DDC: variants seen among roughly 807,000 people sequenced by gnomAD.
DDC encodes the protein dopa decarboxylase, also known as aromatic-L-amino-acid decarboxylase.
DDC carries 43 observed loss-of-function variants against 60.0 expected under a neutral mutation model. That is an observed-to-expected ratio of 0.72 (90% CI 0.56 to 0.92). The LOEUF is 0.92. Ranked by LOEUF, DDC falls within the 40% of genes least tolerant of loss-of-function variation. The pLI, the probability that DDC is intolerant of heterozygous loss-of-function variation, is 0.00. For missense variants in DDC, 573 were observed against 620.2 expected, an observed-to-expected ratio of 0.92 and a Z score of 0.81; for synonymous variants, 232 against 234.6, an observed-to-expected ratio of 0.99 and a Z score of 0.10.
intron 9 of DDC, among the ~76,000 whole-genome samples, chr7:50,490,530 C>T (rs988192773): frequency 7.9e-5 from 12 of 152,062 alleles, no homozygotes; most frequent in African/African-American, 1.2e-4. Flanking sequence ...ATTAGGCAGG[C>T]GTGGTGGCAC....
intron 6 of DDC, among the ~76,000 whole-genome samples, chr7:50,524,543 A>C (rs1462924870): frequency 6.6e-6 from 1 of 152,226 alleles, no homozygotes; most frequent in Non-Finnish European, 1.5e-5. Context: ...TGACGAGGAC[A>C]TATAGATAGT....
chr7:50,485,759 T>G (rs1032969434), intron 9 of DDC, among the ~76,000 whole-genome samples: 1 of 152,168 alleles, frequency 6.6e-6, no homozygotes, highest in Non-Finnish European at 1.5e-5. Context: ...TTTCATGATA[T>G]CTGGACAGTG....
At chr7:50,460,028 C>G (rs571331015) in intron 14 of DDC, among the ~76,000 whole-genome samples, 1 of 144,146 alleles carries the variant, frequency 6.9e-6, no homozygotes, top group Non-Finnish European at 1.5e-5. Flanking sequence ...CCCCTCTGCC[C>G]GGCCAGCTGC....
intron 6 of DDC, among the ~76,000 whole-genome samples, chr7:50,517,811 A>C (rs6592969): frequency 0.99 from 143,924 of 144,710 alleles, 71,577 homozygotes; most frequent in Middle Eastern, 1. Flanking sequence ...AATCAAGAAC[A>C]CTTTTATAAT....
intron 8 of DDC, among the ~76,000 whole-genome samples, chr7:50,495,997 T>A (rs1554421038): frequency 5.3e-5 from 8 of 152,166 alleles, no homozygotes; most frequent in Non-Finnish European, 1.5e-5. Flanking sequence ...CTACAGTAGA[T>A]AGGGGTAAAC....
chr7:50,491,278 C>A (rs1562998280), intron 9 of DDC, among the ~76,000 whole-genome samples: 1 of 152,148 alleles, frequency 6.6e-6, no homozygotes, highest in Non-Finnish European at 1.5e-5. Context: ...CGGTTTATGT[C>A]AGTTTTCCAG....
chr7:50,547,440 C>T (rs1037428930), intron 1 of DDC, among the ~76,000 whole-genome samples: 2 of 152,068 alleles, frequency 1.3e-5, no homozygotes, highest in African/African-American at 4.8e-5. Context: ...TGGTCTTGAA[C>T]TCCTGATCTC....
At chr7:50,509,876 T>C (rs2043501050) in intron 6 of DDC, among the ~76,000 whole-genome samples, 1 of 152,194 alleles carries the variant, frequency 6.6e-6, no homozygotes, top group African/African-American at 2.4e-5. Context: ...AAAACCCATC[T>C]CTTTCATTAA....
chr7:50,479,902 T>C, intron 9 of DDC, 39 bp from the exon 10 acceptor site: 1 of 1,541,902 alleles, frequency 6.5e-7, no homozygotes, highest in South Asian at 1.1e-5. Context: ...GATAACCAAG[T>C]ACCCTAGACT....
At chr7:50,561,488 G>A (rs1303287483) in intron 1 of DDC, among the ~76,000 whole-genome samples, 1 of 152,094 alleles carries the variant, frequency 6.6e-6, no homozygotes, top group Non-Finnish European at 1.5e-5. Flanking sequence ...GGAGGCTCAG[G>A]GTCCCAAGCC....
In DDC at chr7:50,537,978, G is replaced by T; in HGVS notation, c.317C>A (p.Ala106Glu). 5.0e-6 allele frequency: 8 copies of T among 1,614,134 alleles called. No individual in the cohort carries two copies. The highest frequency in any genetic ancestry group is 6.8e-6 in the Non-Finnish European group (8 of 1,180,030). The change falls in exon 4 of 15, where the codon GCG (alanine) becomes GAG (glutamate). Residue 106 changes from alanine (A) to glutamate (E), a missense_variant and splice_region_variant. Ala to Glu is a moderately radical substitution (Grantham distance 107). Coordinates refer to ENST00000444124, the MANE Select transcript of DDC (RefSeq NM_001082971.2). Reference sequence around the variant, plus strand: ...CAGCTCTGTGCATGCTGGGCTTGCCGCCTGTCGTGGGGGAAGGGAAGGGAT... The same window carrying T: ...CAGCTCTGTGCATGCTGGGCTTGCCTCCTGTCGTGGGGGAAGGGAAGGGAT... ...GAIGCIGFSWAASPACTELET... is the reference protein window; with the variant it reads ...GAIGCIGFSWEASPACTELET...
chr7:50,481,434 C>A (rs2153536541), intron 9 of DDC, among the ~76,000 whole-genome samples: 1 of 152,174 alleles, frequency 6.6e-6, no homozygotes, highest in South Asian at 2.1e-4. Context: ...AAGAGGGGAC[C>A]AAGAGGGATG....
chr7:50,461,765 C>T (rs2042278759), intron 14 of DDC, among the ~76,000 whole-genome samples: 1 of 152,198 alleles, frequency 6.6e-6, no homozygotes, highest in East Asian at 1.9e-4. Flanking sequence ...AACATATAAG[C>T]CTCTCCCCAC....
chr7:50,554,513 C>T (rs2045115962), intron 1 of DDC, among the ~76,000 whole-genome samples: 1 of 152,198 alleles, frequency 6.6e-6, no homozygotes, highest in African/African-American at 2.4e-5. Flanking sequence ...ACATTATCTT[C>T]ACTTGTATTT....
intron 7 of DDC, among the ~76,000 whole-genome samples, chr7:50,501,232 C>T (rs2043248167): frequency 6.6e-6 from 1 of 152,208 alleles, no homozygotes; most frequent in South Asian, 2.1e-4. Flanking sequence ...GCTGCACGTC[C>T]TCTCTCAGTT....
At chr7:50,542,095 G>T (rs982582128) in intron 2 of DDC, 1 of 152,122 alleles carries the variant, frequency 6.6e-6, no homozygotes, top group African/African-American at 2.4e-5. Flanking sequence ...CCAGGCCCAC[G>T]ACACTGTTAG....
chr7:50,515,650 A>G (rs2043706275), intron 6 of DDC, among the ~76,000 whole-genome samples: 1 of 152,222 alleles, frequency 6.6e-6, no homozygotes, highest in Non-Finnish European at 1.5e-5. Flanking sequence ...CACAGAATGG[A>G]TAATAACTCA....
intron 11 of DDC, among the ~76,000 whole-genome samples, chr7:50,474,157 C>T (rs538506884): frequency 3.3e-5 from 5 of 152,340 alleles, no homozygotes; most frequent in Middle Eastern, 3.4e-3. Flanking sequence ...TTTCCTTAAC[C>T]GAGGCCAATG....
intron 11 of DDC, among the ~76,000 whole-genome samples, chr7:50,476,232 T>C (rs1228079036): frequency 1.3e-5 from 2 of 152,234 alleles, no homozygotes; most frequent in Admixed American, 6.5e-5. Context: ...GCTGCTGAGA[T>C]GACTGGCCCC....
Sources: gnomAD v4.1 joint callset for allele counts (sites outside exome capture counted in the v4.1 genomes callset) on GRCh38, gnomAD v4.1.1 for gene constraint, MANE v1.5 for transcripts, NCBI Gene and HGNC (gene_info 2026-07-23, HGNC 2026-07-21) for gene names.